Variants in EML1 observed in about 807,000 individuals in gnomAD.
The protein encoded by EML1 is EMAP like 1.
EML1 carries 27 observed loss-of-function variants against 110.4 expected under a neutral mutation model. That is an observed-to-expected ratio of 0.24 (90% CI 0.18 to 0.34). The LOEUF is 0.34. EML1 is among the 10% of genes least tolerant of loss of function. The probability of loss-of-function intolerance (pLI) is 1.00; values close to 1 mark genes in which losing one functional copy is unlikely to be tolerated. For missense variants in EML1, 741 were observed against 1,030.9 expected (o/e 0.72, Z 3.85); for synonymous variants, 344 against 385.8 (o/e 0.89, Z 1.27).
chr14:99,886,678 T>TA (rs919949368), intron 4 of EML1, among the ~76,000 whole-genome samples: 2 of 152,182 alleles, frequency 1.3e-5, no homozygotes, highest in African/African-American at 2.4e-5. Context: ...CAGGACTTCT[T>TA]ACACATGTCA....
intron 1 of EML1, among the ~76,000 whole-genome samples, chr14:99,783,822 T>G (rs2057569690): frequency 6.6e-6 from 1 of 152,220 alleles, no homozygotes; most frequent in South Asian, 2.1e-4. Flanking sequence ...GACAAAGGCC[T>G]AAACCTGGCT....
At chr14:99,910,377 G>A in intron 12 of EML1, 36 bp downstream of exon 12, 1 of 1,536,014 alleles carries the variant, frequency 6.5e-7, no homozygotes, top group Non-Finnish European at 9.0e-7. Context: ...AATGGTTTTT[G>A]GTAATGTTGT....
At chr14:99,774,737 TA>T (rs944849891) in intron 1 of EML1, among the ~76,000 whole-genome samples, 12 of 152,182 alleles carry the variant, frequency 7.9e-5, no homozygotes, top group African/African-American at 2.9e-4. Context: ...GTTCTAGGGG[TA>T]AGGGGCCATC....
upstream of EML1, among the ~76,000 whole-genome samples, chr14:99,771,201 GA>G (rs1048985370): frequency 1.6e-4 from 25 of 152,028 alleles, no homozygotes; most frequent in African/African-American, 5.8e-4. Context: ...TTGTCACCCT[GA>G]AAAAAGACCC....
intron 17 of EML1, among the ~76,000 whole-genome samples, chr14:99,933,173 G>T (rs2060404381): frequency 6.6e-6 from 1 of 152,152 alleles, no homozygotes; most frequent in Non-Finnish European, 1.5e-5. Context: ...GTTCACAAAT[G>T]ATCAGGTAGT....
intron 4 of EML1, among the ~76,000 whole-genome samples, chr14:99,889,956 C>T (rs2059557926): frequency 6.6e-6 from 1 of 152,142 alleles, no homozygotes. Flanking sequence ...GTAGGCTCTA[C>T]CACCCCACCC....
intron 5 of EML1, chr14:99,892,038 G>T (rs145907073): frequency 3.5e-6 from 2 of 579,400 alleles, no homozygotes; most frequent in Admixed American, 6.3e-5. Context: ...TTTTAAGACT[G>T]GGGGGCAGGT....
intron 1 of EML1, among the ~76,000 whole-genome samples, chr14:99,752,065 A>C (rs565018803): frequency 6.6e-6 from 1 of 152,194 alleles, no homozygotes; most frequent in South Asian, 2.1e-4. Flanking sequence ...ACAGCGCCCC[A>C]GATGCCGTTA....
intron 1 of EML1, chr14:99,838,906 T>C (rs947691383): frequency 9.8e-5 from 14 of 143,550 alleles, no homozygotes; most frequent in Admixed American, 3.4e-4. Flanking sequence ...GGTTGGGGAG[T>C]GCGCGCGCGC....
chr14:99,807,629 C>T (rs1306726415), intron 1 of EML1, among the ~76,000 whole-genome samples: 4 of 152,166 alleles, frequency 2.6e-5, no homozygotes, highest in African/African-American at 9.7e-5. Flanking sequence ...GTGACAGCAA[C>T]CCTACCCCAG....
intron 1 of EML1, among the ~76,000 whole-genome samples, chr14:99,842,431 G>A (rs2058647876): frequency 6.6e-6 from 1 of 151,430 alleles, no homozygotes; most frequent in Non-Finnish European, 1.5e-5. Context: ...GTATTCTTCA[G>A]ATTAATTACC....
chr14:99,919,176 T>G (rs748962887), intron 16 of EML1, among the ~76,000 whole-genome samples: 5 of 152,152 alleles, frequency 3.3e-5, no homozygotes, highest in East Asian at 3.9e-4. Flanking sequence ...GATTGAACAT[T>G]TATGCTGCTC....
Position 99,782,059 on chromosome 14 carries a change from T to A in EML1, c.-27+8046T>A, listed in dbSNP as rs138476276. ...GCAGGAGGCCCGCAGCCCCACCCTA[T>A]CGTAGGGCACTGTTATCCTACCTGT... is the stretch of plus-strand genomic sequence containing the variant. On this transcript the variant is annotated intron_variant, in intron 1 of 22. Transcript: ENST00000327921. 5.5e-4 allele frequency among the ~76,000 whole-genome samples: 83 copies of A among 152,240 alleles called. 2 individuals are homozygous for A. Among genetic ancestry groups the A allele is most frequent in the African/African-American group, 1.8e-3 (74 of 41,550 alleles).
intron 3 of EML1, among the ~76,000 whole-genome samples, chr14:99,866,880 C>T (rs1471149646): frequency 1.3e-5 from 2 of 152,074 alleles, no homozygotes; most frequent in Admixed American, 1.3e-4. Context: ...TAGCATGTGA[C>T]TGATTTTAAG....
rs572523315 is a variant in EML1 at position 99,925,988 on chromosome 14, C to A, written c.1909+5111C>A. Among the ~76,000 whole-genome samples the A allele has an allele frequency of 2.0e-3, 311 of 152,342 alleles. 1 individual carries two copies. The highest frequency in any genetic ancestry group is 6.9e-3 in the African/African-American group (288 of 41,582). On this transcript the variant is annotated intron_variant, in intron 17 of 21. Coordinates refer to ENST00000262233, the MANE Select transcript of EML1 (RefSeq NM_004434.3). ...CCTTTTACCACAGCCGCGTGGTCCT[C>A]AGAGCCTGTTCTTCCCTGCCAGGAC...
intron 9 of EML1, among the ~76,000 whole-genome samples, chr14:99,904,885 C>T (rs1240107538): frequency 6.6e-6 from 1 of 152,194 alleles, no homozygotes; most frequent in Non-Finnish European, 1.5e-5. Flanking sequence ...TATGGTACCC[C>T]TCTTTATGAC....
At chr14:99,787,268 C>CTTTTTTTTTTTTTTTTTTTTTTT (rs34680462) in intron 1 of EML1, among the ~76,000 whole-genome samples, 1 of 101,612 alleles carries the variant, frequency 9.8e-6, no homozygotes, top group Non-Finnish European at 1.9e-5. Flanking sequence ...CTCTGAGATT[C>CTTTTTTTTTTTTTTTTTTTTTTT]TTTTTTTTTT....
intron 1 of EML1, among the ~76,000 whole-genome samples, chr14:99,839,621 T>G (rs2058601416): frequency 6.6e-6 from 1 of 152,226 alleles, no homozygotes; most frequent in Non-Finnish European, 1.5e-5. Context: ...ACCATTTCTT[T>G]CCAGATTCAA....
intron 1 of EML1, among the ~76,000 whole-genome samples, chr14:99,747,187 CAAA>C (rs35376029): frequency 2.1e-5 from 2 of 95,532 alleles, no homozygotes; most frequent in Non-Finnish European, 1.9e-5. Flanking sequence ...GACCCCGTCT[CAAA>C]AAAAAAAAAA....
Sources: allele counts gnomAD v4.1 joint callset (sites outside exome capture counted in the v4.1 genomes callset), GRCh38; gene constraint gnomAD v4.1.1; transcripts MANE v1.5; gene names NCBI Gene and HGNC (gene_info 2026-07-23, HGNC 2026-07-21).